Variants in GGNBP2 observed in about 807,000 individuals in gnomAD.
GGNBP2 encodes gametogenetin-binding protein 2.
GGNBP2 carries 10 observed loss-of-function variants against 85.9 expected under a neutral mutation model. That is an observed-to-expected ratio of 0.12 (90% CI 0.07 to 0.20). The LOEUF (loss-of-function observed/expected upper bound fraction) is 0.20, where lower values mean the gene tolerates loss of function less well. Among genes scored for constraint, GGNBP2 ranks in the 10% least tolerant of loss-of-function variants. GGNBP2 has a pLI of 1.00. For missense variants in GGNBP2, 595 were observed against 857.8 expected (o/e 0.69, Z 3.83); for synonymous variants, 287 against 285.7 (o/e 1.00, Z -0.05).
intron 6 of GGNBP2, among the ~76,000 whole-genome samples, chr17:36,575,912 G>T (rs879749792): frequency 6.6e-6 from 1 of 150,776 alleles, no homozygotes; most frequent in Non-Finnish European, 1.5e-5. Flanking sequence ...CTCCCAAAGG[G>T]CTGGGATTAC....
chr17:36,563,538 T>C (rs775765497), intron 5 of GGNBP2, among the ~76,000 whole-genome samples: 5 of 151,578 alleles, frequency 3.3e-5, no homozygotes, highest in Non-Finnish European at 5.9e-5. Flanking sequence ...CTAACAAAAT[T>C]AAGTGTAACA....
rs576808690 is a variant in GGNBP2 at position 36,589,499 on chromosome 17, T to G, written c.*88T>G. The stretch of plus-strand genomic sequence containing the variant: ...GAAAAACTCTTAATTTAGTGACTTA[T>G]GGCAAAATTTTATCTTAAATCAATG... On this transcript the variant is annotated 3_prime_UTR_variant, in exon 14 of 14. Coordinates refer to ENST00000613102, the MANE Select transcript of GGNBP2 (RefSeq NM_024835.5). The G allele has an allele frequency of 1.1e-6, 1 of 941,912 alleles. No homozygotes were observed. Among genetic ancestry groups the G allele is most frequent in the Non-Finnish European group, 1.6e-6 (1 of 606,448 alleles). The allele number at this position is 941,912 out of a possible 1,614,324, so 58.3% of individuals were successfully genotyped here.
chr17:36,587,885 CA>C (rs199505589), intron 13 of GGNBP2, among the ~76,000 whole-genome samples: 4,005 of 151,624 alleles, frequency 0.026, 66 homozygotes, highest in South Asian at 0.065. Context: ...GACTTTGTCT[CA>C]AAAAAAACCT....
intron 6 of GGNBP2, among the ~76,000 whole-genome samples, chr17:36,573,026 A>G (rs184827670): frequency 3.3e-5 from 5 of 152,226 alleles, no homozygotes; most frequent in Admixed American, 3.3e-4. Context: ...ATATGACAGG[A>G]TTCCCCTCTA....
At position 36,554,352 on chromosome 17, in the gene GGNBP2, A is replaced by ATTTTTTTTTTTTTTTTTTTTTTTTTTTT. The variant is rs780217291; in HGVS notation, c.94-461_94-434dup. On this transcript the variant is annotated intron_variant, in intron 2 of 13. Coordinates refer to ENST00000613102, the MANE Select transcript of GGNBP2 (RefSeq NM_024835.5). ...ATGGAAACTTGTCTTATGTACTTGA[A>ATTTTTTTTTTTTTTTTTTTTTTTTTTTT]TTTTTTTTTTTTTTTTTTTTTTTTT... Among the ~76,000 whole-genome samples, 2 of 44,480 alleles carry ATTTTTTTTTTTTTTTTTTTTTTTTTTTT rather than the reference A, an allele frequency of 4.5e-5. 1 individual carries two copies. Among genetic ancestry groups the ATTTTTTTTTTTTTTTTTTTTTTTTTTTT allele is most frequent in the Non-Finnish European group, 7.2e-5 (2 of 27,812 alleles). The allele number at this position is 44,480 out of a possible 152,430, so 29.2% of individuals were successfully genotyped here.
At chr17:36,552,685 T>C (rs958391560) in intron 2 of GGNBP2, among the ~76,000 whole-genome samples, 2 of 152,176 alleles carry the variant, frequency 1.3e-5, no homozygotes, top group Non-Finnish European at 1.5e-5. Flanking sequence ...TTTGGACATT[T>C]CATCTGTATG....
chr17:36,563,266 C>T (rs984035586), intron 5 of GGNBP2, among the ~76,000 whole-genome samples: 5 of 151,046 alleles, frequency 3.3e-5, no homozygotes, highest in African/African-American at 1.2e-4. Flanking sequence ...GACTTTGTCT[C>T]GAAATAAATA....
chr17:36,586,161 AG>A lies in GGNBP2; in HGVS notation c.1605del (p.Lys536ArgfsTer7), dbSNP rs1313549636. 97 of 1,613,662 alleles carry A rather than the reference AG, an allele frequency of 6.0e-5. No homozygotes were observed. The highest frequency in any genetic ancestry group is 7.9e-5 in the Non-Finnish European group (93 of 1,179,930). ...GACACAAAAGGAAAAAATAAAAAGA[AG>A]AAGAAGAAAAGCAAGATACTGAAAT... Reference protein sequence around the residue: ...ENDTKGKNKKKKKKSKILKCD... With the variant: ...ENDTKGKNKKXKKKSKILKCD... On this transcript the variant is annotated frameshift_variant, in exon 12 of 14. Coordinates refer to ENST00000613102, the MANE Select transcript of GGNBP2 (RefSeq NM_024835.5). LOFTEE classifies it high-confidence loss of function.
At chr17:36,545,461 C>T (rs1049989362) in intron 1 of GGNBP2, 158 bp from the exon 2 acceptor site, 20 of 404,180 alleles carry the variant, frequency 4.9e-5, no homozygotes, top group Non-Finnish European at 7.0e-5. Context: ...GGGCGGGTCC[C>T]GGCGGCGCTG....
At chr17:36,575,196 T>C in intron 6 of GGNBP2, 4 of 643,348 alleles carry the variant, frequency 6.2e-6, no homozygotes, top group Non-Finnish European at 5.6e-6. Flanking sequence ...CCATGAGCTC[T>C]GCGGCCTCAG....
intron 5 of GGNBP2, among the ~76,000 whole-genome samples, chr17:36,561,874 C>T (rs535474738): frequency 1.4e-4 from 21 of 152,292 alleles, no homozygotes; most frequent in Admixed American, 7.8e-4. Flanking sequence ...CCGCCCACCT[C>T]GGCCTCCCAA....
Position 36,557,186 on chromosome 17 carries a change from G to A in GGNBP2, c.278G>A (p.Arg93His), listed in dbSNP as rs2074370867. ...CAGCTTGTCCCATGTGTTGGTTGTC[G>A]TCGCAGTGTGGAGCGTCTCTTTTCC... ...LSQLVPCVGCRRSVERLFSQL... is the reference protein window; with the variant it reads ...LSQLVPCVGCHRSVERLFSQL... The change falls in exon 4 of 14, where the codon CGT (arginine) becomes CAT (histidine). Residue 93 changes from arginine to histidine, a missense_variant. By Grantham distance (29) the Arg-to-His change is conservative. Transcript: ENST00000613102. 6.2e-7 allele frequency: 1 copy of A among 1,614,100 alleles called. No individual in the cohort carries two copies. The highest frequency in any genetic ancestry group is 8.5e-7 in the Non-Finnish European group (1 of 1,180,016).
chr17:36,557,028 G>A, intron 3 of GGNBP2, 55 bp from the exon 4 acceptor site: 2 of 1,603,696 alleles, frequency 1.2e-6, no homozygotes, highest in South Asian at 1.1e-5. Flanking sequence ...AGTAGTGAAA[G>A]TGTAATTTTA....
At chr17:36,580,749 G>GTC (rs1057098034) in intron 8 of GGNBP2, among the ~76,000 whole-genome samples, 11 of 151,656 alleles carry the variant, frequency 7.3e-5, no homozygotes, top group African/African-American at 2.7e-4. Context: ...GCGAAACCCT[G>GTC]TCTCTACTAA....
intron 5 of GGNBP2, among the ~76,000 whole-genome samples, chr17:36,565,975 A>C (rs1269687375): frequency 2.0e-5 from 3 of 152,228 alleles, no homozygotes; most frequent in Non-Finnish European, 4.4e-5. Context: ...GTCACAAATA[A>C]GGGGAGCTAA....
At chr17:36,577,630 A>G (rs571973622) in intron 6 of GGNBP2, 1 of 285,612 alleles carries the variant, frequency 3.5e-6, no homozygotes, top group African/African-American at 2.2e-5. Flanking sequence ...TGTTGCCTCT[A>G]TTGTTTTATT....
Position 36,546,043 on chromosome 17 carries a change from T to C in GGNBP2, c.93+226T>C, listed in dbSNP as rs551851631. ...CGTACGCACTCCCTCTCTCCAGATT[T>C]TCCTTCTTTTGGAACCTTATTCCTT... On this transcript the variant is annotated intron_variant, in intron 2 of 13. Transcript: ENST00000613102. The C allele has an allele frequency of 2.7e-4, 135 of 501,018 alleles. 4 individuals are homozygous for C. The South Asian group carries it at 4.2e-3, about 16-fold the overall frequency. 31.0% of individuals were successfully genotyped at this position (501,018 alleles called of 1,614,324 possible).
At chr17:36,575,203 TCAGCCGCGGCCTCAGCCC>T (rs1555607519) in intron 6 of GGNBP2, 1 of 641,626 alleles carries the variant, frequency 1.6e-6, no homozygotes, top group African/African-American at 1.8e-5. Flanking sequence ...CTCTGCGGCC[TCAGCCGCGGCCTCAGCCC>T]CAGCCCCGGC....
chr17:36,586,264 A>G, intron 12 of GGNBP2, 66 bp downstream of exon 12: 10 of 1,550,148 alleles, frequency 6.5e-6, no homozygotes, highest in Non-Finnish European at 8.7e-6. Context: ...TTTTCCTTGG[A>G]GTGGCATATG....
Sources: gnomAD v4.1 joint callset for allele counts (sites outside exome capture counted in the v4.1 genomes callset) on GRCh38, gnomAD v4.1.1 for gene constraint, MANE v1.5 for transcripts, NCBI Gene and HGNC (gene_info 2026-07-23, HGNC 2026-07-21) for gene names.